The following TRANK1 variants were observed in gnomAD, a reference collection of about 807,000 sequenced individuals.
TRANK1 encodes the protein tetratricopeptide repeat and ankyrin repeat containing 1.
Under a neutral mutation model 266.0 loss-of-function variants are expected in TRANK1, and 198 were observed. That is an observed-to-expected ratio of 0.74 (90% CI 0.66 to 0.84). The LOEUF is 0.84. TRANK1 is among the 40% of genes least tolerant of loss of function. The pLI, the probability that TRANK1 is intolerant of heterozygous loss-of-function variation, is 0.00. For synonymous variants in TRANK1, 1,396 were observed against 1,384.1 expected (o/e 1.01, Z -0.19); for missense variants, 3,326 against 3,634.6 (o/e 0.92, Z 2.18).
chr3:36,913,106 A>G (rs1027790654), intron 1 of TRANK1, among the ~76,000 whole-genome samples: 6 of 150,522 alleles, frequency 4.0e-5, no homozygotes, highest in African/African-American at 1.5e-4. Flanking sequence ...CAGTGGCGCA[A>G]TCTTGGCTCA....
intron 8 of TRANK1, among the ~76,000 whole-genome samples, chr3:36,874,811 A>G (rs1038160835): frequency 1.3e-5 from 2 of 152,024 alleles, no homozygotes; most frequent in Non-Finnish European, 2.9e-5. Flanking sequence ...TGATGTATCC[A>G]TTTGCCAAGC....
chr3:36,940,397 G>A (rs1281436585), intron 1 of TRANK1, among the ~76,000 whole-genome samples: 1 of 151,962 alleles, frequency 6.6e-6, no homozygotes, highest in African/African-American at 2.4e-5. Flanking sequence ...CTACTTGGGA[G>A]GCTGAGGCAG....
Position 36,856,679 on chromosome 3 carries a change from G to A in TRANK1, c.3043C>T (p.Pro1015Ser). The A allele has an allele frequency of 6.2e-7, 1 of 1,614,074 alleles. No individual in the cohort carries two copies. The highest frequency in any genetic ancestry group is 8.5e-7 in the Non-Finnish European group (1 of 1,179,914). The change falls in exon 13 of 24, where the codon CCC becomes TCC. Residue 1015 changes from proline (P) to serine (S), a missense_variant. Pro to Ser is a moderately conservative substitution (Grantham distance 74). Transcript: ENST00000645898. ...GREHVNPEYF[P>S]PASAVETEYN... Reference sequence around the variant, plus strand: ...TCTGTCTCCACTGCACTGGCTGGGGGAAAGTACTCAGGATTGACATGCTCC... The same window carrying A: ...TCTGTCTCCACTGCACTGGCTGGGGAAAAGTACTCAGGATTGACATGCTCC...
At chr3:36,904,072 C>G (rs542046340) in intron 2 of TRANK1, among the ~76,000 whole-genome samples, 21 of 152,142 alleles carry the variant, frequency 1.4e-4, no homozygotes, top group African/African-American at 5.1e-4. Flanking sequence ...ACTTCTGCCT[C>G]AGCCTCCCGA....
chr3:36,895,431 T>A (rs1201212504), intron 5 of TRANK1, among the ~76,000 whole-genome samples: 2 of 152,248 alleles, frequency 1.3e-5, no homozygotes, highest in Non-Finnish European at 2.9e-5. Context: ...GAGACACAGA[T>A]CTAAGCGTTT....
chr3:36,852,089 C>T (rs1473565312), intron 14 of TRANK1, 57 bp downstream of exon 14: 1 of 1,507,636 alleles, frequency 6.6e-7, no homozygotes, highest in Non-Finnish European at 8.8e-7. Context: ...GCTTCTCAAA[C>T]TTTTTTCAAT....
intron 9 of TRANK1, among the ~76,000 whole-genome samples, chr3:36,868,950 A>G (rs2079266105): frequency 6.6e-6 from 1 of 152,232 alleles, no homozygotes; most frequent in African/African-American, 2.4e-5. Flanking sequence ...GAAGATCACA[A>G]ACAACTGTGA....
chr3:36,875,360 G>A (rs552371423), intron 8 of TRANK1, among the ~76,000 whole-genome samples: 3 of 152,364 alleles, frequency 2.0e-5, no homozygotes, highest in South Asian at 4.1e-4. Context: ...GACAAGGAAT[G>A]TGTGTGGCCT....
chr3:36,891,197 AG>A (rs994249954), intron 7 of TRANK1, among the ~76,000 whole-genome samples: 3 of 152,116 alleles, frequency 2.0e-5, no homozygotes, highest in Non-Finnish European at 2.9e-5. Context: ...AAAATTAGCC[AG>A]GCGTGGTGGC....
At chr3:36,879,931 A>AATATATGTAAATAT (rs2079488719) in intron 8 of TRANK1, among the ~76,000 whole-genome samples, 3 of 23,894 alleles carry the variant, frequency 1.3e-4, no homozygotes, top group Non-Finnish European at 2.2e-4. Context: ...TAAACATGCA[A>AATATATGTAAATAT]ATATATGTAA....
intron 1 of TRANK1, among the ~76,000 whole-genome samples, chr3:36,919,668 T>C (rs2080187836): frequency 6.6e-6 from 1 of 152,234 alleles, no homozygotes; most frequent in Non-Finnish European, 1.5e-5. Context: ...AGATGTGCTA[T>C]TTACTTTTAG....
In TRANK1 at chr3:36,833,856, C is replaced by T; in HGVS notation, c.5727G>A (p.Gln1909=). The T allele has an allele frequency of 6.2e-7, 1 of 1,613,992 alleles. No homozygotes were observed. The highest frequency in any genetic ancestry group is 8.5e-7 in the Non-Finnish European group (1 of 1,179,896). ...PISKLSYSAS[Q]FYLEAAAKYL... ...ACTTTGCTGCAGCTTCCAAGTAAAA[C>T]TGACTGGCAGAATAGGAGAGCTTGG... The change falls in exon 22 of 24, where the codon CAG becomes CAA. Residue 1909 remains glutamine (Q), a synonymous_variant. Coordinates refer to ENST00000645898, the MANE Select transcript of TRANK1 (RefSeq NM_001329998.2).
rs774681011 is a variant in TRANK1, at chr3:36,833,168, T to C, written c.6415A>G (p.Arg2139Gly). ...TTCAAATCCAGGTCAAAAATTATTCTTAATATGGGCCCAGGGTCATTCTGA... is the reference window on the plus strand; with the variant it reads ...TTCAAATCCAGGTCAAAAATTATTCCTAATATGGGCCCAGGGTCATTCTGA... ...IAQNDPGPIL[R>G]IIFDLDLNLR... The change falls in exon 22 of 24, where the codon AGA (arginine) becomes GGA (glycine). Residue 2139 changes from arginine (R) to glycine (G), a missense_variant. By Grantham distance (125) the Arg-to-Gly change is moderately radical (BLOSUM62 -2). Coordinates refer to ENST00000645898, the MANE Select transcript of TRANK1 (RefSeq NM_001329998.2). 14 of 1,613,662 alleles carry C rather than the reference T, an allele frequency of 8.7e-6. 1 individual carries two copies. In the South Asian group the frequency reaches 1.4e-4, roughly 16 times the overall value.
chr3:36,891,815 C>T (rs1349376493), intron 7 of TRANK1, among the ~76,000 whole-genome samples: 2 of 152,190 alleles, frequency 1.3e-5, no homozygotes, highest in Non-Finnish European at 2.9e-5. Flanking sequence ...CAGCCGTCAA[C>T]CCTAGAGTGA....
intron 1 of TRANK1, among the ~76,000 whole-genome samples, chr3:36,909,682 G>A (rs1284368396): frequency 6.6e-6 from 1 of 152,168 alleles, no homozygotes; most frequent in Non-Finnish European, 1.5e-5. Context: ...CAAGTAAGGG[G>A]TCAGAGGGGG....
In TRANK1 at chr3:36,944,931, C is replaced by G; in HGVS notation, c.-122G>C. The G allele has an allele frequency of 2.8e-6, 3 of 1,085,230 alleles. No homozygotes were observed. Among genetic ancestry groups the G allele is most frequent in the Non-Finnish European group, 3.7e-6 (3 of 821,212 alleles). The allele number at this position is 1,085,230 out of a possible 1,614,324, so 67.2% of individuals were successfully genotyped here. The stretch of plus-strand genomic sequence containing the variant: ...ACCGGAGCCCGGGGCAGGGGCGGCG[C>G]GATGCAGAGGCGGCGTTCGGGGGCC... On this transcript the variant is annotated 5_prime_UTR_variant, in exon 1 of 24. Coordinates refer to ENST00000645898, the MANE Select transcript of TRANK1 (RefSeq NM_001329998.2).
chr3:36,833,367 C>G lies in TRANK1; in HGVS notation c.6216G>C (p.Gln2072His), dbSNP rs2078723777. 2 of 1,613,896 alleles carry G rather than the reference C, an allele frequency of 1.2e-6. No homozygotes were observed. Among genetic ancestry groups the G allele is most frequent in the Non-Finnish European group, 1.7e-6 (2 of 1,179,794 alleles). The stretch of plus-strand genomic sequence containing the variant: ...GAATCTTCTCAGGCTCGGCCTCACA[C>G]TGGCTGGCTGCTTCGTAGAGTGCTT... ...VVEALYEAAS[Q>H]CEAEPEKILG... Residue 2072 changes from glutamine (Q) to histidine (H), a missense_variant, in exon 22 of 24, where the codon CAG becomes CAC. Coordinates refer to ENST00000645898, the MANE Select transcript of TRANK1 (RefSeq NM_001329998.2).
At chr3:36,927,881 A>G (rs954509296) in intron 1 of TRANK1, among the ~76,000 whole-genome samples, 1 of 152,226 alleles carries the variant, frequency 6.6e-6, no homozygotes, top group African/African-American at 2.4e-5. Context: ...TCCATGCTCC[A>G]TCCTATTCCC....
At chr3:36,854,766 CT>C (rs1343903547) in intron 13 of TRANK1, among the ~76,000 whole-genome samples, 59 of 147,480 alleles carry the variant, frequency 4.0e-4, no homozygotes, top group South Asian at 3.6e-3. Context: ...ACCACCCTCC[CT>C]TTTTTTTTTT....
Sources: allele counts gnomAD v4.1 joint callset (sites outside exome capture counted in the v4.1 genomes callset), GRCh38; gene constraint gnomAD v4.1.1; transcripts MANE v1.5; gene names NCBI Gene and HGNC (gene_info 2026-07-23, HGNC 2026-07-21).